CMTR1: variants seen among roughly 807,000 people sequenced by gnomAD.
CMTR1 encodes the protein cap-specific mRNA (nucleoside-2'-O-)-methyltransferase 1.
In CMTR1, 39 loss-of-function variants were observed where a neutral mutation model predicts 107.0. That is an observed-to-expected ratio of 0.36 (90% CI 0.28 to 0.48). The LOEUF is 0.48. Among genes scored for constraint, CMTR1 ranks in the 20% least tolerant of loss-of-function variants. The probability of loss-of-function intolerance (pLI) is 0.99; values close to 1 mark genes in which losing one functional copy is unlikely to be tolerated. For synonymous variants in CMTR1, 366 were observed against 379.5 expected, an observed-to-expected ratio of 0.96 and a Z score of 0.41; for missense variants, 672 against 1,064.9, an observed-to-expected ratio of 0.63 and a Z score of 5.14.
chr6:37,450,380 A>C lies in CMTR1; in HGVS notation c.537+37A>C, dbSNP rs765952410. 3.3e-6 allele frequency: 5 copies of C among 1,515,558 alleles called. No individual in the cohort carries two copies. The Admixed American group carries it at 8.4e-5, about 25-fold the overall frequency. The allele number at this position is 1,515,558 out of a possible 1,614,324, so 93.9% of individuals were successfully genotyped here. ...GGAAAACGTACCCTGACTTCTTGGC[A>C]TTCTCTTGACTTTTCACTTGCTCGA... On this transcript the variant is annotated intron_variant, in intron 5 of 23. Coordinates refer to ENST00000373451, the MANE Select transcript of CMTR1 (RefSeq NM_015050.3).
chr6:37,450,386 T>C, intron 5 of CMTR1, 43 bp downstream of exon 5: 1 of 1,470,388 alleles, frequency 6.8e-7, no homozygotes, highest in Non-Finnish European at 9.5e-7. Flanking sequence ...TGGCATTCTC[T>C]TGACTTTTCA....
Position 37,480,828 on chromosome 6 carries a change from G to C in CMTR1, c.*683G>C, listed in dbSNP as rs1338518848. 8.8e-7 allele frequency: 1 copy of C among 1,134,156 alleles called. No homozygotes were observed. Among genetic ancestry groups the C allele is most frequent in the Non-Finnish European group, 1.1e-6 (1 of 915,282 alleles). 70.3% of individuals were successfully genotyped at this position (1,134,156 alleles called of 1,614,324 possible). ...CTGATACCACATTGAGATCCTGGGA[G>C]CCCTCTTTTCGTACTGAGTATGGAG... is the stretch of plus-strand genomic sequence containing the variant. On this transcript the variant is annotated 3_prime_UTR_variant, in exon 24 of 24. Transcript: ENST00000373451.
At chr6:37,428,066 C>T in the CMTR1 span, among the ~76,000 whole-genome samples, 4 of 124,888 alleles carry the variant, frequency 3.2e-5, no homozygotes, top group African/African-American at 1.2e-4. Context: ...GAGAGAAACT[C>T]TCTAAAAAAG....
chr6:37,475,989 A>G (rs1761728484), intron 19 of CMTR1, 137 bp from the exon 20 acceptor site: 1 of 785,410 alleles, frequency 1.3e-6, no homozygotes, highest in East Asian at 2.5e-5. Context: ...CCTGGGGGAC[A>G]TGGGTGCTGC....
intron 13 of CMTR1, among the ~76,000 whole-genome samples, chr6:37,464,763 G>A (rs1391901464): frequency 6.6e-6 from 1 of 152,106 alleles, no homozygotes; most frequent in Non-Finnish European, 1.5e-5. Context: ...AGCTGATACA[G>A]ACATTCTTGT....
chr6:37,431,527 A>G (rs1771369934), upstream of CMTR1, among the ~76,000 whole-genome samples: 2 of 152,028 alleles, frequency 1.3e-5, no homozygotes, highest in South Asian at 4.1e-4. Context: ...TTGTGAATTT[A>G]ATACAGACAG....
In CMTR1 at chr6:37,461,555, T is replaced by C. The variant is rs945510290; in HGVS notation, c.1102T>C (p.Ser368Pro). 6.2e-7 allele frequency: 1 copy of C among 1,601,288 alleles called. No homozygotes were observed. Among genetic ancestry groups the C allele is most frequent in the African/African-American group, 1.3e-5 (1 of 74,094 alleles). ...CCTTGTGCTCTCATTTCAGGGTTTC[T>C]CGGTGGAGGGGCAGGAGAACCTGCA... ...VHFLMADGGF[S>P]VEGQENLQEI... The change falls in exon 11 of 24, where the codon TCG (serine) becomes CCG (proline). Residue 368 changes from serine to proline, a missense_variant. Physicochemically the swap from Ser to Pro is moderately conservative, Grantham distance 74. This residue lies in a region of CMTR1 where 583 missense variants were observed against 968.4 expected (regional missense o/e 0.60). Coordinates refer to ENST00000373451, the MANE Select transcript of CMTR1 (RefSeq NM_015050.3).
intron 1 of CMTR1, among the ~76,000 whole-genome samples, chr6:37,435,200 G>A (rs931854415): frequency 7.9e-5 from 12 of 152,116 alleles, no homozygotes; most frequent in African/African-American, 2.7e-4. Flanking sequence ...TTCTGGGATG[G>A]TCCCTTCACC....
chr6:37,435,575 C>CA, intron 1 of CMTR1, 49 bp from the exon 2 acceptor site: 1 of 1,568,840 alleles, frequency 6.4e-7, no homozygotes, highest in Non-Finnish European at 8.6e-7. Context: ...GCTGTGATCC[C>CA]AGTGGCTGTG....
At chr6:37,437,903 A>G (rs1416868704) in intron 2 of CMTR1, among the ~76,000 whole-genome samples, 5 of 152,102 alleles carry the variant, frequency 3.3e-5, no homozygotes. Flanking sequence ...CATCTCTTTG[A>G]AGTAAGGAAA....
At chr6:37,460,141 G>A (rs1761370978) in intron 10 of CMTR1, among the ~76,000 whole-genome samples, 1 of 152,214 alleles carries the variant, frequency 6.6e-6, no homozygotes, top group Admixed American at 6.5e-5. Context: ...GACAATGCAG[G>A]CATTCCTTTC....
chr6:37,476,978 G>C (rs1358309478), intron 20 of CMTR1, among the ~76,000 whole-genome samples: 1 of 152,222 alleles, frequency 6.6e-6, no homozygotes, highest in Non-Finnish European at 1.5e-5. Flanking sequence ...CTGAAAGACA[G>C]CTCCCAGGGG....
chr6:37,458,945 C>A lies in CMTR1; in HGVS notation c.976+135C>A. 1.2e-6 allele frequency: 1 copy of A among 800,898 alleles called. No homozygotes were observed. Among genetic ancestry groups the A allele is most frequent in the Non-Finnish European group, 1.9e-6 (1 of 513,316 alleles). 49.6% of individuals were successfully genotyped at this position (800,898 alleles called of 1,614,324 possible). A position where few individuals can be genotyped will look rare whatever the true frequency, so the allele number is the denominator to read the frequency against. On this transcript the variant is annotated intron_variant, in intron 9 of 23. Coordinates refer to ENST00000373451, the MANE Select transcript of CMTR1 (RefSeq NM_015050.3). This position sits in a 1 kb window ranked among gnomAD's most constrained non-coding sequence, Gnocchi z 4.7. ...TTACCCTGGGCTTCACAGTTCATGT[C>A]AGAATCTTGGTTCCCTCTGGACTAT...
chr6:37,477,060 A>G (rs2113896315), intron 20 of CMTR1, among the ~76,000 whole-genome samples: 1 of 152,280 alleles, frequency 6.6e-6, no homozygotes, highest in Admixed American at 6.5e-5. Flanking sequence ...AGTTCCAAAG[A>G]CATGTTCAGG....
intron 2 of CMTR1, among the ~76,000 whole-genome samples, chr6:37,441,054 C>G (rs557237280): frequency 6.6e-6 from 1 of 152,300 alleles, no homozygotes; most frequent in South Asian, 2.1e-4. Context: ...AGTCAGGGCC[C>G]TGGATCCCTG....
intron 23 of CMTR1, 59 bp from the exon 24 acceptor site, chr6:37,479,954 C>A: frequency 7.0e-7 from 1 of 1,434,694 alleles, no homozygotes. Context: ...CTTAAGAACA[C>A]ATGACCCTGT....
At chr6:37,459,775 C>T in intron 10 of CMTR1, 91 bp downstream of exon 10, 1 of 887,724 alleles carries the variant, frequency 1.1e-6, no homozygotes, top group Non-Finnish European at 1.9e-6. Flanking sequence ...TCTTTAGCTG[C>T]TCCCAAAGAT....
At position 37,480,197 on chromosome 6, in the gene CMTR1, G is replaced by C. The variant is rs1761826773; in HGVS notation, c.*52G>C. On this transcript the variant is annotated 3_prime_UTR_variant, in exon 24 of 24. Transcript: ENST00000373451. ...GAATGCCCTGTCATTCCTGAGATGGGGCCACCTGGGGCCCACAGTGCTGGC... is the reference window on the plus strand; with the variant it reads ...GAATGCCCTGTCATTCCTGAGATGGCGCCACCTGGGGCCCACAGTGCTGGC... 1.9e-6 allele frequency: 3 copies of C among 1,589,366 alleles called. No individual in the cohort carries two copies. The African/African-American group carries it at 4.1e-5, about 22-fold the overall frequency.
intron 8 of CMTR1, among the ~76,000 whole-genome samples, chr6:37,457,799 G>A (rs1213010146): frequency 6.6e-6 from 1 of 152,176 alleles, no homozygotes; most frequent in Non-Finnish European, 1.5e-5. Flanking sequence ...TCCTGTGGCT[G>A]GGAGAGGGTG....
Sources: allele counts gnomAD v4.1 joint callset (sites outside exome capture counted in the v4.1 genomes callset), GRCh38; gene constraint gnomAD v4.1.1; regional missense constraint gnomAD v4.1.1; non-coding constraint Gnocchi (gnomAD v3.1); transcripts MANE v1.5; gene names NCBI Gene and HGNC (gene_info 2026-07-23, HGNC 2026-07-21).